Variants in COL27A1 observed in about 807,000 individuals in gnomAD.
COL27A1 encodes the protein collagen type XXVII alpha 1 chain.
A neutral mutation model predicts 251.3 loss-of-function variants in COL27A1; 106 were observed. The ratio of observed to expected loss-of-function variants is 0.42; its 90% CI spans 0.36 to 0.50. The LOEUF (loss-of-function observed/expected upper bound fraction) is 0.50. Ranked by LOEUF, COL27A1 falls within the 20% of genes least tolerant of loss-of-function variation. The probability of loss-of-function intolerance (pLI) is 0.00; values close to 1 mark genes in which losing one functional copy is unlikely to be tolerated. For missense variants in COL27A1, 2,325 were observed against 2,522.8 expected (o/e 0.92, Z 1.68); for synonymous variants, 1,000 against 986.3 (o/e 1.01, Z -0.26).
At chr9:114,303,079 C>T (rs1346920688) in intron 56 of COL27A1, among the ~76,000 whole-genome samples, 3 of 152,124 alleles carry the variant, frequency 2.0e-5, no homozygotes, top group Admixed American at 6.5e-5. Flanking sequence ...CCTTGTCCTT[C>T]TCATCAGTAA....
chr9:114,201,014 C>T (rs1829534399), intron 7 of COL27A1, among the ~76,000 whole-genome samples: 1 of 152,220 alleles, frequency 6.6e-6, no homozygotes, highest in Non-Finnish European at 1.5e-5. Context: ...GCCCAAAGCC[C>T]AGAAAGCAGC....
chr9:114,293,641 C>T (rs1451136296), intron 49 of COL27A1, among the ~76,000 whole-genome samples: 8 of 149,392 alleles, frequency 5.4e-5, no homozygotes, highest in Non-Finnish European at 8.9e-5. Flanking sequence ...ACAACAAAAA[C>T]AACAAAAAGG....
intron 10 of COL27A1, 29 bp from the exon 11 acceptor site, chr9:114,209,646 G>A (rs759455518): frequency 4.3e-5 from 69 of 1,612,512 alleles, no homozygotes; most frequent in Middle Eastern, 3.3e-4. Context: ...CTGCTTGACC[G>A]CTCTGACCCC....
intron 41 of COL27A1, among the ~76,000 whole-genome samples, chr9:114,286,029 C>T (rs538369993): frequency 6.6e-6 from 1 of 152,328 alleles, no homozygotes; most frequent in Admixed American, 6.5e-5. Context: ...CAGCCAGATG[C>T]CTTTTCTCAC....
chr9:114,249,318 T>C (rs1327604444), intron 24 of COL27A1, among the ~76,000 whole-genome samples: 2 of 152,230 alleles, frequency 1.3e-5, no homozygotes, highest in Non-Finnish European at 2.9e-5. Flanking sequence ...GCTGTGACCT[T>C]ATACCTAGTG....
Position 114,310,807 on chromosome 9 carries a change from T to C in COL27A1, c.*112T>C. The C allele has an allele frequency of 1.4e-5, 16 of 1,126,346 alleles. No individual in the cohort carries two copies. Among genetic ancestry groups the C allele is most frequent in the African/African-American group, 3.1e-5 (2 of 64,504 alleles). The allele number at this position is 1,126,346 out of a possible 1,614,324, so 69.8% of individuals were successfully genotyped here. A position where few individuals can be genotyped will look rare whatever the true frequency, so the allele number is the denominator to read the frequency against. On this transcript the variant is annotated 3_prime_UTR_variant, in exon 61 of 61. Transcript: ENST00000356083. ...GAGAGGCAGCTCCCCTGCCCAAGGG[T>C]CCTTGGGCAGACCCCAGCTGTTGTC... is the stretch of plus-strand genomic sequence containing the variant.
rs191790992 is a variant in COL27A1 at position 114,291,293 on chromosome 9, G to A, written c.4476+376G>A. ...AGGGGGCCCCCATGAATCCGTCAGAGCCAAGGGCTGGACACTGAAGGGGAG... is the reference window on the plus strand; with the variant it reads ...AGGGGGCCCCCATGAATCCGTCAGAACCAAGGGCTGGACACTGAAGGGGAG... On this transcript the variant is annotated intron_variant, in intron 48 of 60. Coordinates refer to ENST00000356083, the MANE Select transcript of COL27A1 (RefSeq NM_032888.4). 3.3e-3 allele frequency among the ~76,000 whole-genome samples: 508 copies of A among 152,322 alleles called. 1 individual carries two copies. Among genetic ancestry groups the A allele is most frequent in the Admixed American group, 5.3e-3 (81 of 15,306 alleles).
chr9:114,282,714 G>A (rs759510957), intron 39 of COL27A1, 150 bp downstream of exon 39: 18 of 583,982 alleles, frequency 3.1e-5, no homozygotes, highest in Non-Finnish European at 5.0e-5. Context: ...CCACCTCTCT[G>A]AATCATGAAT....
At chr9:114,191,853 C>T (rs1828773151) in intron 5 of COL27A1, among the ~76,000 whole-genome samples, 1 of 152,146 alleles carries the variant, frequency 6.6e-6, no homozygotes, top group Non-Finnish European at 1.5e-5. Flanking sequence ...GTGATCGTTG[C>T]CAACTTATGG....
intron 49 of COL27A1, among the ~76,000 whole-genome samples, chr9:114,296,273 C>T (rs1465345857): frequency 6.6e-6 from 1 of 152,156 alleles, no homozygotes; most frequent in Admixed American, 6.5e-5. Context: ...AGACAAGCCA[C>T]ATACTGGAAG....
At chr9:114,259,087 T>C (rs62555401) in intron 28 of COL27A1, among the ~76,000 whole-genome samples, 22,984 of 152,182 alleles carry the variant, frequency 0.15, 2,107 homozygotes, top group Non-Finnish European at 0.19. Context: ...CTGGGCAGGG[T>C]ACTAAGGAAG....
rs536808477 is a variant in COL27A1, at chr9:114,256,841, G to A, written c.3142-1700G>A. 2.6e-5 allele frequency among the ~76,000 whole-genome samples: 4 copies of A among 152,326 alleles called. No homozygotes were observed. In the South Asian group the frequency reaches 6.2e-4, roughly 24 times the overall value. On this transcript the variant is annotated intron_variant, in intron 27 of 60. Coordinates refer to ENST00000356083, the MANE Select transcript of COL27A1 (RefSeq NM_032888.4). ...CCAGTGCTACAGCCTGCTCTTTTCA[G>A]CACTCTATGCCTTGATGTAGAGACT... is the stretch of plus-strand genomic sequence containing the variant.
At chr9:114,177,367 C>A (rs1375369410) in intron 3 of COL27A1, among the ~76,000 whole-genome samples, 2 of 152,034 alleles carry the variant, frequency 1.3e-5, no homozygotes, top group African/African-American at 4.8e-5. Context: ...AATGGGGAGC[C>A]CTTAAATGTT....
chr9:114,158,261 G>A (rs1387486688), intron 1 of COL27A1, among the ~76,000 whole-genome samples: 9 of 152,182 alleles, frequency 5.9e-5, no homozygotes. Flanking sequence ...CTGGGTCTCA[G>A]CTCAGAGCCC....
chr9:114,252,742 A>G, intron 26 of COL27A1, 96 bp downstream of exon 26: 1 of 1,415,952 alleles, frequency 7.1e-7, no homozygotes, highest in Admixed American at 1.7e-5. Flanking sequence ...AGACGTTCAG[A>G]ATGACCAGCT....
At chr9:114,180,993 T>C (rs1827864639) in intron 4 of COL27A1, among the ~76,000 whole-genome samples, 1 of 152,102 alleles carries the variant, frequency 6.6e-6, no homozygotes, top group Admixed American at 6.5e-5. Flanking sequence ...TGGAACTGGG[T>C]GTCAGGAACC....
intron 7 of COL27A1, among the ~76,000 whole-genome samples, chr9:114,200,157 G>T (rs149512670): frequency 2.0e-5 from 3 of 152,150 alleles, no homozygotes; most frequent in Non-Finnish European, 1.5e-5. Context: ...CTGAACTCCC[G>T]GTTCTGCCTG....
chr9:114,254,548 T>G, intron 27 of COL27A1, among the ~76,000 whole-genome samples: 1 of 150,592 alleles, frequency 6.6e-6, no homozygotes. Flanking sequence ...GGTGTGGGGG[T>G]AGAGGGACCA....
rs770374638 is a variant in COL27A1, at chr9:114,301,086, C to T, written c.4716C>T (p.Ile1572=). The T allele has an allele frequency of 1.2e-5, 20 of 1,611,744 alleles. No individual in the cohort carries two copies. Among genetic ancestry groups the T allele is most frequent in the Non-Finnish European group, 1.5e-5 (18 of 1,178,868 alleles). ...GPPGLMGKEG[I]VGPLGILGPS... ...GTCTCCTTTAGGGAAAGGAAGGCAT[C>T]GTCGGGCCCCTCGGAATCCTGGGAC... The change falls in exon 52 of 61, where the codon ATC becomes ATT. Residue 1572 remains isoleucine (I), a synonymous_variant. Transcript: ENST00000356083.
Sources: allele counts gnomAD v4.1 joint callset (sites outside exome capture counted in the v4.1 genomes callset), GRCh38; gene constraint gnomAD v4.1.1; transcripts MANE v1.5; gene names NCBI Gene and HGNC (gene_info 2026-07-23, HGNC 2026-07-21).